Variants in PDE1C observed in about 807,000 individuals in gnomAD.
The protein encoded by PDE1C is dual specificity calcium/calmodulin-dependent 3',5'-cyclic nucleotide phosphodiesterase 1C.
In PDE1C, 62 loss-of-function variants were observed where a neutral mutation model predicts 93.1. The ratio of observed to expected loss-of-function variants is 0.67; its 90% CI spans 0.54 to 0.82. The LOEUF (loss-of-function observed/expected upper bound fraction) is 0.82. Ranked by LOEUF, PDE1C falls within the 40% of genes least tolerant of loss-of-function variation. PDE1C has a pLI of 0.00. For missense variants in PDE1C, 742 were observed against 884.6 expected (o/e 0.84, Z 2.04); for synonymous variants, 325 against 310.1 (o/e 1.05, Z -0.50).
At chr7:32,314,500 C>T (rs1227528887) in intron 1 of PDE1C, among the ~76,000 whole-genome samples, 1 of 152,168 alleles carries the variant, frequency 6.6e-6, no homozygotes, top group Non-Finnish European at 1.5e-5. Flanking sequence ...TAACTGGTTA[C>T]AGGTAGAGCT....
At chr7:31,913,197 C>T (rs893850073) in intron 2 of PDE1C, among the ~76,000 whole-genome samples, 59 of 152,270 alleles carry the variant, frequency 3.9e-4, no homozygotes, top group African/African-American at 1.3e-3. Flanking sequence ...TTTAAGGCTA[C>T]ACTTTCTTCC....
chr7:32,363,153 G>C (rs1385520137), intron 1 of PDE1C, among the ~76,000 whole-genome samples: 2 of 152,170 alleles, frequency 1.3e-5, no homozygotes, highest in African/African-American at 2.4e-5. Flanking sequence ...ATCTTTATTA[G>C]TATTTTTTAG....
chr7:32,001,111 T>C (rs922599641), intron 2 of PDE1C, among the ~76,000 whole-genome samples: 3 of 152,148 alleles, frequency 2.0e-5, no homozygotes, highest in African/African-American at 7.2e-5. Flanking sequence ...AAAGAATGGA[T>C]AGGCATATAT....
In PDE1C at chr7:32,419,482, G is replaced by A. The variant is rs118063410; in HGVS notation, c.310+8340C>T. 3.0e-3 allele frequency among the ~76,000 whole-genome samples: 462 copies of A among 152,200 alleles called. 2 individuals are homozygous for A. Among genetic ancestry groups the A allele is most frequent in the Middle Eastern group, 0.01 (3 of 294 alleles). Reference sequence around the variant, plus strand: ...AGGAGAGTGAGCCCTTGGGGTATGGGGTGACCTCATTAGTAGCTTCACAAA... The same window carrying A: ...AGGAGAGTGAGCCCTTGGGGTATGGAGTGACCTCATTAGTAGCTTCACAAA... On this transcript the variant is annotated intron_variant, in intron 1 of 1. Coordinates refer to the PDE1C transcript ENST00000672256.
chr7:31,821,196 C>T (rs531314380), intron 14 of PDE1C, among the ~76,000 whole-genome samples: 1 of 152,260 alleles, frequency 6.6e-6, no homozygotes, highest in East Asian at 1.9e-4. Flanking sequence ...CTACATGATG[C>T]CTTCCCAAAC....
At chr7:31,843,882 C>T (rs545418173) in intron 9 of PDE1C, among the ~76,000 whole-genome samples, 1 of 151,706 alleles carries the variant, frequency 6.6e-6, no homozygotes, top group South Asian at 2.1e-4. Context: ...CTTTAACAAT[C>T]TTTAGCTATT....
intron 1 of PDE1C, among the ~76,000 whole-genome samples, chr7:32,365,161 C>T (rs1784207222): frequency 6.6e-6 from 1 of 152,184 alleles, no homozygotes; most frequent in Non-Finnish European, 1.5e-5. Flanking sequence ...TGAGGAACAG[C>T]TCCATGGGCT....
At chr7:32,331,430 A>G (rs932538704) in intron 1 of PDE1C, among the ~76,000 whole-genome samples, 2 of 152,220 alleles carry the variant, frequency 1.3e-5, no homozygotes, top group Non-Finnish European at 2.9e-5. Context: ...ATGTCATTAC[A>G]AATTGCGATC....
chr7:31,661,905 C>G, the PDE1C span, among the ~76,000 whole-genome samples: 1 of 152,128 alleles, frequency 6.6e-6, no homozygotes, highest in African/African-American at 2.4e-5. Context: ...TTTTCCTGAG[C>G]AATCGCATTT....
intron 1 of PDE1C, among the ~76,000 whole-genome samples, chr7:32,398,636 G>T (rs568875579): frequency 1.3e-5 from 2 of 151,968 alleles, no homozygotes; most frequent in African/African-American, 4.8e-5. Context: ...TGATCCTCCC[G>T]TCTCGGCCTC....
chr7:32,225,568 C>A (rs940696701), intron 1 of PDE1C, among the ~76,000 whole-genome samples: 1 of 152,058 alleles, frequency 6.6e-6, no homozygotes, highest in Admixed American at 6.5e-5. Context: ...TGGAACAAGA[C>A]CCTGAGGAAA....
chr7:32,225,022 T>A (rs201219221), intron 1 of PDE1C, among the ~76,000 whole-genome samples: 15 of 100,856 alleles, frequency 1.5e-4, no homozygotes, highest in Non-Finnish European at 2.5e-4. Context: ...CTTTCTTATT[T>A]AAAAAAAAAA....
intron 2 of PDE1C, among the ~76,000 whole-genome samples, chr7:32,031,856 A>G (rs1790362831): frequency 6.6e-6 from 1 of 152,166 alleles, no homozygotes; most frequent in Non-Finnish European, 1.5e-5. Context: ...TGGGGCAAGG[A>G]GACTGTGTCC....
the PDE1C span, among the ~76,000 whole-genome samples, chr7:31,620,742 G>T: frequency 6.6e-6 from 1 of 152,046 alleles, no homozygotes; most frequent in Non-Finnish European, 1.5e-5. Context: ...CACCAGCAAT[G>T]GAACAAAGCT....
At chr7:31,776,848 G>A (rs528305763) in intron 16 of PDE1C, among the ~76,000 whole-genome samples, 41 of 152,032 alleles carry the variant, frequency 2.7e-4, no homozygotes, top group South Asian at 2.1e-3. Flanking sequence ...GGTTACTTCC[G>A]TTAGGAGTCC....
At chr7:32,384,963 A>C (rs1275249947) in intron 1 of PDE1C, among the ~76,000 whole-genome samples, 8 of 152,188 alleles carry the variant, frequency 5.3e-5, no homozygotes, top group Non-Finnish European at 8.8e-5. Context: ...TGGGGAATAA[A>C]TTGGAAGGGA....
intron 9 of PDE1C, among the ~76,000 whole-genome samples, chr7:31,844,931 T>C (rs1792364524): frequency 6.6e-6 from 1 of 152,164 alleles, no homozygotes; most frequent in Admixed American, 6.5e-5. Context: ...GTCTTCTCTA[T>C]CATGCACTAA....
chr7:32,307,481 G>A (rs1309432995), intron 1 of PDE1C, among the ~76,000 whole-genome samples: 3 of 152,166 alleles, frequency 2.0e-5, no homozygotes, highest in Admixed American at 6.5e-5. Flanking sequence ...AGGGGTGGGT[G>A]ACATCTGGGA....
At chr7:31,694,387 A>ACACACACACACACACACACACACACAC in the PDE1C span, among the ~76,000 whole-genome samples, 1 of 141,598 alleles carries the variant, frequency 7.1e-6, no homozygotes, top group Non-Finnish European at 1.5e-5. Flanking sequence ...CTCTCTCTCA[A>ACACACACACACACACACACACACACAC]ACACACACAC....
Sources: gnomAD v4.1 joint callset for allele counts (sites outside exome capture counted in the v4.1 genomes callset) on GRCh38, gnomAD v4.1.1 for gene constraint, MANE v1.5 for transcripts, NCBI Gene and HGNC (gene_info 2026-07-23, HGNC 2026-07-21) for gene names.